Variants in ZSWIM6 observed in about 807,000 individuals in gnomAD.
ZSWIM6 encodes the protein zinc finger SWIM domain-containing protein 6.
ZSWIM6 carries 9 observed loss-of-function variants against 113.2 expected under a neutral mutation model. The ratio of observed to expected loss-of-function variants is 0.08; its 90% CI spans 0.05 to 0.14. The LOEUF (loss-of-function observed/expected upper bound fraction) is 0.14. Among genes scored for constraint, ZSWIM6 ranks in the 10% least tolerant of loss-of-function variants. ZSWIM6 has a pLI of 1.00. For missense variants in ZSWIM6, 1,162 were observed against 1,552.2 expected, an observed-to-expected ratio of 0.75 and a Z score of 4.22; for synonymous variants, 611 against 606.5, an observed-to-expected ratio of 1.01 and a Z score of -0.11.
At chr5:61,335,800 C>T (rs1210690262) in intron 1 of ZSWIM6, among the ~76,000 whole-genome samples, 3 of 152,062 alleles carry the variant, frequency 2.0e-5, no homozygotes, top group East Asian at 3.8e-4. Context: ...AGAAATTAAA[C>T]CTATTGGTAG....
chr5:61,448,511 T>G (rs1460206774), intron 1 of ZSWIM6, among the ~76,000 whole-genome samples: 1 of 152,228 alleles, frequency 6.6e-6, no homozygotes, highest in African/African-American at 2.4e-5. Flanking sequence ...TTAAAATGTT[T>G]TGCAAACTTA....
At chr5:61,447,964 A>G (rs1747001192) in intron 1 of ZSWIM6, among the ~76,000 whole-genome samples, 1 of 152,206 alleles carries the variant, frequency 6.6e-6, no homozygotes, top group Non-Finnish European at 1.5e-5. Context: ...AGCAGGAAGC[A>G]GGTGGTCAGT....
intron 1 of ZSWIM6, among the ~76,000 whole-genome samples, chr5:61,378,455 A>C (rs1348608916): frequency 6.6e-6 from 1 of 152,230 alleles, no homozygotes; most frequent in Non-Finnish European, 1.5e-5. Flanking sequence ...TATGTTGCTT[A>C]TGTATGCATA....
At chr5:61,354,881 T>C (rs1286548289) in intron 1 of ZSWIM6, among the ~76,000 whole-genome samples, 1 of 152,184 alleles carries the variant, frequency 6.6e-6, no homozygotes, top group African/African-American at 2.4e-5. Flanking sequence ...GATCATCAAC[T>C]GTATTAAGGC....
At chr5:61,373,159 C>T (rs778412203) in intron 1 of ZSWIM6, among the ~76,000 whole-genome samples, 7 of 152,004 alleles carry the variant, frequency 4.6e-5, no homozygotes, top group Non-Finnish European at 1.0e-4. Flanking sequence ...GTTGCCCAGG[C>T]TGGTTTTGAA....
At chr5:61,375,364 G>C in intron 1 of ZSWIM6, 5 of 1,596,400 alleles carry the variant, frequency 3.1e-6, no homozygotes, top group Non-Finnish European at 4.3e-6. Flanking sequence ...AAGTGGAAGT[G>C]AGAGCTCATC....
chr5:61,385,671 G>A (rs1422626973), intron 1 of ZSWIM6, among the ~76,000 whole-genome samples: 1 of 152,192 alleles, frequency 6.6e-6, no homozygotes, highest in Non-Finnish European at 1.5e-5. Context: ...CCTCTGTATA[G>A]CACATACTGT....
intron 1 of ZSWIM6, among the ~76,000 whole-genome samples, chr5:61,414,503 C>T (rs1746209165): frequency 6.6e-6 from 1 of 151,980 alleles, no homozygotes; most frequent in South Asian, 2.1e-4. Context: ...TTCCTTTGCC[C>T]TGTAGAATTA....
At chr5:61,462,202 C>T (rs540391394) in intron 1 of ZSWIM6, among the ~76,000 whole-genome samples, 1 of 152,290 alleles carries the variant, frequency 6.6e-6, no homozygotes, top group South Asian at 2.1e-4. Context: ...TTACTAGTCT[C>T]CTTACTCTTG....
Position 61,332,819 on chromosome 5 carries a change from G to T in ZSWIM6, c.547G>T (p.Ala183Ser), listed in dbSNP as rs1579934182. Residue 183 changes from alanine to serine, a missense_variant, in exon 1 of 14, where the codon GCC (alanine) becomes TCC (serine). Transcript: ENST00000252744. ...AAAAAAAAAA[A>S]AGAGAPSVGA... ...CGCCGCCGCCGCCGCCGCCGCCGCCGCCGCGGGGGCCGGGGCCCCGTCGGT... is the reference window on the plus strand; with the variant it reads ...CGCCGCCGCCGCCGCCGCCGCCGCCTCCGCGGGGGCCGGGGCCCCGTCGGT... 2.1e-6 allele frequency: 2 copies of T among 957,932 alleles called. No homozygotes were observed. The highest frequency in any genetic ancestry group is 6.4e-5 in the Admixed American group (1 of 15,518). The allele number at this position is 957,932 out of a possible 1,614,324, so 59.3% of individuals were successfully genotyped here.
At chr5:61,391,924 T>C in intron 1 of ZSWIM6, 1 of 553,984 alleles carries the variant, frequency 1.8e-6, no homozygotes, top group South Asian at 2.2e-5. Context: ...CAAAACTTTT[T>C]GAGCCAGGGA....
intron 1 of ZSWIM6, among the ~76,000 whole-genome samples, chr5:61,412,150 C>T (rs1482774090): frequency 1.3e-5 from 2 of 152,166 alleles, no homozygotes; most frequent in Non-Finnish European, 2.9e-5. Context: ...CTTATTGCTT[C>T]CAATGAATCA....
chr5:61,529,507 A>C (rs898157000), intron 7 of ZSWIM6, among the ~76,000 whole-genome samples: 1 of 152,256 alleles, frequency 6.6e-6, no homozygotes, highest in Admixed American at 6.5e-5. Flanking sequence ...AAGGATATTC[A>C]TGTGGGAATA....
At chr5:61,357,974 C>T (rs556198976) in intron 1 of ZSWIM6, among the ~76,000 whole-genome samples, 13 of 152,294 alleles carry the variant, frequency 8.5e-5, no homozygotes, top group African/African-American at 2.6e-4. Flanking sequence ...TTATGGCAGA[C>T]GTGGGAAAGT....
Position 61,438,926 on chromosome 5 carries a change from G to C in ZSWIM6, c.677-33755G>C, listed in dbSNP as rs147493917. On this transcript the variant is annotated intron_variant, in intron 1 of 13. Coordinates refer to ENST00000252744, the MANE Select transcript of ZSWIM6 (RefSeq NM_020928.2). Reference sequence around the variant, plus strand: ...TAAATTTATAAAGACGGTTGTGCATGTGTTTTTGTATTTAAATTAAGGAAT... The same window carrying C: ...TAAATTTATAAAGACGGTTGTGCATCTGTTTTTGTATTTAAATTAAGGAAT... Among the ~76,000 whole-genome samples the C allele has an allele frequency of 4.0e-3, 606 of 152,286 alleles. 3 individuals are homozygous for C. Among genetic ancestry groups the C allele is most frequent in the Middle Eastern group, 0.017 (5 of 294 alleles).
chr5:61,355,405 AGTGCG>A lies in ZSWIM6; in HGVS notation c.676+22458_676+22462del, dbSNP rs1384500978. 8.7e-4 allele frequency among the ~76,000 whole-genome samples: 131 copies of A among 149,752 alleles called. 1 individual carries two copies. The highest frequency in any genetic ancestry group is 3.1e-3 in the African/African-American group (124 of 40,610). On this transcript the variant is annotated intron_variant, in intron 1 of 13. Transcript: ENST00000252744. ...TAAGTGATGTAGCTTACCTGTTTAC[AGTGCG>A]AATCTCTTGAGAGACTTTAAAACAC...
chr5:61,371,546 G>C (rs1745262250), intron 1 of ZSWIM6, among the ~76,000 whole-genome samples: 1 of 152,202 alleles, frequency 6.6e-6, no homozygotes, highest in Non-Finnish European at 1.5e-5. Flanking sequence ...TATTGTAAGA[G>C]AGTTTTATTT....
At chr5:61,443,917 C>A (rs921206632) in intron 1 of ZSWIM6, among the ~76,000 whole-genome samples, 7 of 152,002 alleles carry the variant, frequency 4.6e-5, no homozygotes, top group African/African-American at 1.7e-4. Context: ...TAATTTTAAT[C>A]AGTTTGACTA....
intron 4 of ZSWIM6, among the ~76,000 whole-genome samples, chr5:61,514,410 T>C (rs185356010): frequency 1.7e-3 from 256 of 152,214 alleles, no homozygotes; most frequent in Non-Finnish European, 2.8e-3. Context: ...TCCAGTGTGA[T>C]GCTGAATAGA....
Sources: allele counts gnomAD v4.1 joint callset (sites outside exome capture counted in the v4.1 genomes callset), GRCh38; gene constraint gnomAD v4.1.1; transcripts MANE v1.5; gene names NCBI Gene and HGNC (gene_info 2026-07-23, HGNC 2026-07-21).